Variants in ABLIM1 observed in about 807,000 individuals in gnomAD.
ABLIM1 encodes the protein actin-binding LIM protein 1.
A neutral mutation model predicts 107.0 loss-of-function variants in ABLIM1; 40 were observed. The observed-to-expected ratio is 0.37, with a 90% CI of 0.29 to 0.49. The LOEUF is 0.49. Among genes scored for constraint, ABLIM1 ranks in the 20% least tolerant of loss-of-function variants. ABLIM1 has a pLI of 0.97. For missense variants in ABLIM1, 857 were observed against 1,008.5 expected (o/e 0.85, Z 2.04); for synonymous variants, 357 against 357.3 (o/e 1.00, Z 0.01).
At chr10:114,729,824 G>A (rs796288203) in intron 1 of ABLIM1, among the ~76,000 whole-genome samples, 1 of 152,072 alleles carries the variant, frequency 6.6e-6, no homozygotes, top group African/African-American at 2.4e-5. Flanking sequence ...TAAAAAATAA[G>A]CCAATGAAAA....
intron 1 of ABLIM1, among the ~76,000 whole-genome samples, chr10:114,693,926 G>GCCCTCCCGCCT (rs2081142057): frequency 6.6e-6 from 1 of 151,054 alleles, no homozygotes; most frequent in East Asian, 1.9e-4. Flanking sequence ...CCCTCCCAAA[G>GCCCTCCCGCCT]TGCTGGGATT....
chr10:114,710,058 C>T (rs1054944342), intron 1 of ABLIM1, among the ~76,000 whole-genome samples: 7 of 152,192 alleles, frequency 4.6e-5, no homozygotes, highest in African/African-American at 1.7e-4. Flanking sequence ...TGTCATGCAA[C>T]TAAAATCTCC....
At chr10:114,676,611 T>C (rs2080498884) in intron 1 of ABLIM1, among the ~76,000 whole-genome samples, 1 of 152,198 alleles carries the variant, frequency 6.6e-6, no homozygotes, top group Non-Finnish European at 1.5e-5. Context: ...TTCAGATTAT[T>C]GTGTTCTCAA....
At chr10:114,770,077 C>CA (rs1392822765), upstream of ABLIM1, among the ~76,000 whole-genome samples, 1 of 152,186 alleles carries the variant, frequency 6.6e-6, no homozygotes, top group East Asian at 1.9e-4. Flanking sequence ...ACCCACCCCC[C>CA]AGGTTTATTT....
chr10:114,623,526 C>A (rs1000159427), intron 1 of ABLIM1, among the ~76,000 whole-genome samples: 1 of 152,170 alleles, frequency 6.6e-6, no homozygotes, highest in African/African-American at 2.4e-5. Context: ...GAAGAAGCTA[C>A]TTCTATAAAA....
intron 2 of ABLIM1, 100 bp downstream of exon 2, chr10:114,601,727 A>G (rs1222972585): frequency 1.3e-6 from 2 of 1,553,878 alleles, no homozygotes; most frequent in African/African-American, 2.7e-5. Flanking sequence ...GCATTCGCTT[A>G]TCATCCAGTG....
chr10:114,582,280 A>G (rs1333686), intron 2 of ABLIM1, among the ~76,000 whole-genome samples: 58,197 of 151,960 alleles, frequency 0.38, 13,075 homozygotes, highest in Non-Finnish European at 0.51. Flanking sequence ...CACACACACA[A>G]AAACACCGAG....
intron 1 of ABLIM1, among the ~76,000 whole-genome samples, chr10:114,625,898 G>C (rs559700274): frequency 6.6e-6 from 1 of 152,164 alleles, no homozygotes; most frequent in South Asian, 2.1e-4. Context: ...TGATGGGTTC[G>C]AAGATTAAAG....
intron 2 of ABLIM1, 40 bp downstream of exon 2, chr10:114,601,787 C>T: frequency 6.2e-7 from 1 of 1,614,154 alleles, no homozygotes; most frequent in Non-Finnish European, 8.5e-7. Context: ...AAGCCCCGAC[C>T]ATGGCATGCC....
chr10:114,507,364 G>A (rs185272922), intron 6 of ABLIM1, among the ~76,000 whole-genome samples: 84 of 152,308 alleles, frequency 5.5e-4, no homozygotes, highest in African/African-American at 2.0e-3. Flanking sequence ...AAGAAGGAAC[G>A]AAGACATATG....
chr10:114,796,661 C>A, the ABLIM1 span, among the ~76,000 whole-genome samples: 1 of 152,172 alleles, frequency 6.6e-6, no homozygotes, highest in East Asian at 1.9e-4. Context: ...CTCTCTGACC[C>A]CAGTTTCCTT....
At position 114,571,548 on chromosome 10, in the gene ABLIM1, A is replaced by C. The variant is rs1327123237; in HGVS notation, c.564-142T>G. The C allele has an allele frequency of 9.3e-6, 7 of 753,844 alleles. No homozygotes were observed. In the East Asian group the frequency reaches 1.6e-4, roughly 17 times the overall value. The allele number at this position is 753,844 out of a possible 1,614,324, so 46.7% of individuals were successfully genotyped here. A position where few individuals can be genotyped will look rare whatever the true frequency, so the allele number is the denominator to read the frequency against. ...CATGTCTGAAATGCAGTCATAACCAAGCCAGCCAGCTGGAGACAGTCCAAA... is the reference window on the plus strand; with the variant it reads ...CATGTCTGAAATGCAGTCATAACCACGCCAGCCAGCTGGAGACAGTCCAAA... On this transcript the variant is annotated intron_variant, in intron 3 of 22. Coordinates refer to ENST00000533213, the MANE Select transcript of ABLIM1 (RefSeq NM_002313.7).
chr10:114,439,333 G>A, intron 20 of ABLIM1, 83 bp from the exon 21 acceptor site: 1 of 1,387,794 alleles, frequency 7.2e-7, no homozygotes, highest in Middle Eastern at 1.8e-4. Flanking sequence ...CCAATTCCCT[G>A]TTGGGTCTCC....
At chr10:114,494,671 C>G (rs1267325925) in intron 6 of ABLIM1, among the ~76,000 whole-genome samples, 1 of 152,192 alleles carries the variant, frequency 6.6e-6, no homozygotes, top group East Asian at 1.9e-4. Flanking sequence ...CACATGGAAA[C>G]AGTTCAAGCT....
intron 6 of ABLIM1, among the ~76,000 whole-genome samples, chr10:114,523,263 T>G (rs1388570616): frequency 6.6e-6 from 1 of 152,170 alleles, no homozygotes; most frequent in Non-Finnish European, 1.5e-5. Flanking sequence ...ATCTTTACAT[T>G]CTGCACAGTC....
At chr10:114,717,141 A>T (rs1430426492) in intron 1 of ABLIM1, among the ~76,000 whole-genome samples, 1 of 152,150 alleles carries the variant, frequency 6.6e-6, no homozygotes, top group Non-Finnish European at 1.5e-5. Context: ...CTCCTCTGTG[A>T]ATGATTCACC....
chr10:114,778,922 A>G, the ABLIM1 span: 1 of 152,154 alleles, frequency 6.6e-6, no homozygotes, highest in East Asian at 1.9e-4. Flanking sequence ...ATGTTGCCTC[A>G]CTGGTCTCCA....
chr10:114,456,099 C>T lies in ABLIM1; in HGVS notation c.1442-2616G>A, dbSNP rs2062772025. On this transcript the variant is annotated intron_variant, in intron 12 of 22. Transcript: ENST00000533213. ...AAAGTGCTAGGATTACAGGCGTGAG[C>T]CACCGCACCCGGCTGGAAACTGCAA... Among the ~76,000 whole-genome samples, 3 of 152,298 alleles carry T rather than the reference C, an allele frequency of 2.0e-5. No homozygotes were observed. The South Asian group carries it at 6.2e-4, about 32-fold the overall frequency.
At chr10:114,644,205 C>T (rs61867927) in intron 1 of ABLIM1, among the ~76,000 whole-genome samples, 2,849 of 133,890 alleles carry the variant, frequency 0.021, 87 homozygotes, top group African/African-American at 0.076. Flanking sequence ...GGCATGAACC[C>T]GGGAGGCGGA....
Sources: gnomAD v4.1 joint callset for allele counts (sites outside exome capture counted in the v4.1 genomes callset) on GRCh38, gnomAD v4.1.1 for gene constraint, MANE v1.5 for transcripts, NCBI Gene and HGNC (gene_info 2026-07-23, HGNC 2026-07-21) for gene names.